LSAMP: variants seen among roughly 807,000 people sequenced by gnomAD.
LSAMP encodes the protein limbic system associated membrane protein.
LSAMP carries 7 observed loss-of-function variants against 38.6 expected under a neutral mutation model. The ratio of observed to expected loss-of-function variants is 0.18; its 90% confidence interval spans 0.10 to 0.34. LSAMP has a LOEUF of 0.34. Among genes scored for constraint, LSAMP ranks in the 10% least tolerant of loss-of-function variants. The pLI is 1.00. For missense variants in LSAMP, 313 were observed against 420.0 expected, an observed-to-expected ratio of 0.75 and a Z score of 2.23; for synonymous variants, 154 against 166.8, an observed-to-expected ratio of 0.92 and a Z score of 0.59.
Position 116,414,418 on chromosome 3 carries a change from C to A in LSAMP, c.155+30459G>T, listed in dbSNP as rs577512053. On this transcript the variant is annotated intron_variant, in intron 1 of 6. Coordinates refer to ENST00000490035, the MANE Select transcript of LSAMP (RefSeq NM_002338.5). ...CCTACCCTGCCCAGCCGGTGTCTTC[C>A]AGTTCATTTGTTCATTCATTCATCT... is the stretch of plus-strand genomic sequence containing the variant. Among the ~76,000 whole-genome samples the A allele has an allele frequency of 1.6e-4, 24 of 152,212 alleles. No individual in the cohort carries two copies. The South Asian group carries it at 4.4e-3, about 28-fold the overall frequency.
At chr3:115,945,054 T>G (rs1485879708) in intron 3 of LSAMP, among the ~76,000 whole-genome samples, 1 of 152,176 alleles carries the variant, frequency 6.6e-6, no homozygotes, top group Non-Finnish European at 1.5e-5. Context: ...TCTAACCAGA[T>G]ATGGATTCCA....
chr3:116,427,231 C>T (rs976479030), intron 1 of LSAMP, among the ~76,000 whole-genome samples: 54 of 150,930 alleles, frequency 3.6e-4, no homozygotes, highest in African/African-American at 1.1e-3. Flanking sequence ...CGCCATTCTC[C>T]TGCCTCAGCC....
intron 2 of LSAMP, among the ~76,000 whole-genome samples, chr3:116,085,571 C>T (rs934366175): frequency 6.6e-6 from 1 of 152,186 alleles, no homozygotes; most frequent in African/African-American, 2.4e-5. Context: ...GGTTGGGCTT[C>T]ACTTGCAATA....
chr3:116,116,766 A>G (rs1054629815), intron 1 of LSAMP, among the ~76,000 whole-genome samples: 3 of 152,036 alleles, frequency 2.0e-5, no homozygotes, highest in African/African-American at 7.2e-5. Flanking sequence ...AATAAAATGT[A>G]AGTGGGTTCT....
intron 3 of LSAMP, among the ~76,000 whole-genome samples, chr3:115,860,128 A>G (rs1223129155): frequency 6.6e-6 from 1 of 152,246 alleles, no homozygotes; most frequent in African/African-American, 2.4e-5. Context: ...AATATTGTAG[A>G]GTGAGTGTTG....
chr3:116,291,036 C>T (rs939092018), intron 1 of LSAMP, among the ~76,000 whole-genome samples: 4 of 152,098 alleles, frequency 2.6e-5, no homozygotes, highest in South Asian at 2.1e-4. Flanking sequence ...TGTTAATCTT[C>T]GCAATGGTTG....
chr3:116,002,551 A>G (rs904174689), intron 3 of LSAMP, among the ~76,000 whole-genome samples: 6 of 150,682 alleles, frequency 4.0e-5, no homozygotes, highest in Admixed American at 4.0e-4. Context: ...CATCCCTTGG[A>G]AAAAAAAATC....
chr3:116,295,149 A>C (rs1413153215), intron 1 of LSAMP, among the ~76,000 whole-genome samples: 3 of 152,248 alleles, frequency 2.0e-5, no homozygotes, highest in Admixed American at 1.3e-4. Flanking sequence ...AGAGAAAAAG[A>C]AAAAGTAGCC....
intron 1 of LSAMP, among the ~76,000 whole-genome samples, chr3:116,163,431 T>G (rs1709950351): frequency 6.6e-6 from 1 of 151,904 alleles, no homozygotes; most frequent in African/African-American, 2.4e-5. Context: ...CTGCATAGTA[T>G]TCCATGGTGT....
chr3:116,068,202 G>T (rs1707507229), intron 2 of LSAMP, among the ~76,000 whole-genome samples: 3 of 152,158 alleles, frequency 2.0e-5, no homozygotes, highest in South Asian at 4.1e-4. Flanking sequence ...ATCAATGAAA[G>T]TTGCATAGGT....
At chr3:116,212,320 G>C (rs2046168199) in intron 1 of LSAMP, among the ~76,000 whole-genome samples, 1 of 152,016 alleles carries the variant, frequency 6.6e-6, no homozygotes, top group Non-Finnish European at 1.5e-5. Context: ...AAAGGTGAAG[G>C]TTTCTTTTTT....
chr3:116,235,464 G>T (rs548288048), intron 1 of LSAMP, among the ~76,000 whole-genome samples: 5 of 151,974 alleles, frequency 3.3e-5, no homozygotes, highest in African/African-American at 9.7e-5. Flanking sequence ...TGCACAAAAG[G>T]GAGAAATGGA....
Position 116,079,342 on chromosome 3 carries a change from T to A in LSAMP, c.388+6982A>T, listed in dbSNP as rs73139191. On this transcript the variant is annotated intron_variant, in intron 2 of 6. Transcript: ENST00000490035. ...CTCTTCCACAACACTTCAGCCTGTC[T>A]AATAGCTTTTTAACTAATAAGAATG... is the stretch of plus-strand genomic sequence containing the variant. Among the ~76,000 whole-genome samples the A allele has an allele frequency of 4.1e-3, 619 of 152,282 alleles. 4 individuals are homozygous for A. Among genetic ancestry groups the A allele is most frequent in the Non-Finnish European group, 7.5e-3 (510 of 68,026 alleles).
At chr3:116,230,408 ATTATAC>A (rs1252180216) in intron 1 of LSAMP, among the ~76,000 whole-genome samples, 1 of 152,174 alleles carries the variant, frequency 6.6e-6, no homozygotes, top group Non-Finnish European at 1.5e-5. Context: ...GATGTTTGAC[ATTATAC>A]TTATACCTAT....
chr3:116,045,074 T>C (rs2107724046), intron 2 of LSAMP, among the ~76,000 whole-genome samples: 1 of 152,330 alleles, frequency 6.6e-6, no homozygotes, highest in East Asian at 1.9e-4. Flanking sequence ...CAAAGGTTCT[T>C]AGCTTTAAAA....
intron 3 of LSAMP, among the ~76,000 whole-genome samples, chr3:115,904,405 C>G (rs1033434355): frequency 6.6e-6 from 1 of 151,764 alleles, no homozygotes; most frequent in African/African-American, 2.4e-5. Flanking sequence ...ACAAATCTTC[C>G]CACAAAGAAA....
rs559111010 is a variant in LSAMP, at chr3:116,336,746, A to G, written c.155+108131T>C. Among the ~76,000 whole-genome samples, 36 of 152,062 alleles carry G rather than the reference A, an allele frequency of 2.4e-4. No homozygotes were observed. The South Asian group carries it at 5.4e-3, about 23-fold the overall frequency. On this transcript the variant is annotated intron_variant, in intron 1 of 6. Coordinates refer to ENST00000490035, the MANE Select transcript of LSAMP (RefSeq NM_002338.5). ...AAACAGTATGGCAATGCCTCGAAAT[A>G]TTAAAAATAGAATTACCATATGAAA... is the stretch of plus-strand genomic sequence containing the variant.
intron 1 of LSAMP, among the ~76,000 whole-genome samples, chr3:116,443,478 C>T (rs968652147): frequency 6.6e-6 from 1 of 152,158 alleles, no homozygotes; most frequent in Admixed American, 6.5e-5. Flanking sequence ...AACACACACA[C>T]ATGCAATGCA....
At chr3:115,925,090 G>A (rs548914011) in intron 3 of LSAMP, among the ~76,000 whole-genome samples, 3 of 152,128 alleles carry the variant, frequency 2.0e-5, no homozygotes, top group Non-Finnish European at 2.9e-5. Flanking sequence ...TTCCTTCCAA[G>A]TCCACTCTTT....
Sources: gnomAD v4.1 joint callset for allele counts (sites outside exome capture counted in the v4.1 genomes callset) on GRCh38, gnomAD v4.1.1 for gene constraint, MANE v1.5 for transcripts, NCBI Gene and HGNC (gene_info 2026-07-23, HGNC 2026-07-21) for gene names.